The following PEPD variants were observed in gnomAD, a reference collection of about 807,000 sequenced individuals.
PEPD encodes the protein peptidase D.
Under a neutral mutation model 60.7 loss-of-function variants are expected in PEPD, and 53 were observed. The ratio of observed to expected loss-of-function variants is 0.87; its 90% confidence interval spans 0.70 to 1.10. The LOEUF is 1.10. Ranked by LOEUF, PEPD falls within the 50% of genes least tolerant of loss-of-function variation. The pLI is 0.00. For synonymous variants in PEPD, 267 were observed against 284.1 expected, an observed-to-expected ratio of 0.94 and a Z score of 0.60; for missense variants, 711 against 711.9, an observed-to-expected ratio of 1.00 and a Z score of 0.01.
intron 12 of PEPD, among the ~76,000 whole-genome samples, chr19:33,400,917 G>C (rs1968472740): frequency 6.6e-6 from 1 of 152,236 alleles, no homozygotes; most frequent in Non-Finnish European, 1.5e-5. Context: ...TGGCTGAGCG[G>C]GATGGGGACA....
intron 4 of PEPD, among the ~76,000 whole-genome samples, chr19:33,494,957 A>G (rs1970571618): frequency 1.3e-5 from 2 of 151,670 alleles, no homozygotes; most frequent in African/African-American, 4.8e-5. Flanking sequence ...AAACAGTGAA[A>G]CCCCATCTCT....
At chr19:33,411,958 C>T (rs754985) in intron 10 of PEPD, among the ~76,000 whole-genome samples, 10,139 of 152,294 alleles carry the variant, frequency 0.067, 1,176 homozygotes, top group African/African-American at 0.23. Context: ...TGGCAACCAG[C>T]CTCAGTCTGC....
chr19:33,500,816 G>C, intron 4 of PEPD, 122 bp downstream of exon 4: 1 of 764,190 alleles, frequency 1.3e-6, no homozygotes, highest in African/African-American at 1.7e-5. Flanking sequence ...CGCAGGGACT[G>C]GTGGCCAGGT....
chr19:33,442,229 T>C (rs1002836663), intron 9 of PEPD, among the ~76,000 whole-genome samples: 1 of 152,072 alleles, frequency 6.6e-6, no homozygotes, highest in African/African-American at 2.4e-5. Context: ...TGAAACCCCA[T>C]CTCTACTAAA....
intron 12 of PEPD, among the ~76,000 whole-genome samples, chr19:33,393,418 CT>C (rs1968278957): frequency 6.6e-6 from 1 of 151,482 alleles, no homozygotes; most frequent in South Asian, 2.1e-4. Context: ...GCACCCCTGG[CT>C]TTTCTGAGGG....
chr19:33,422,445 T>G (rs1969039270), intron 9 of PEPD, among the ~76,000 whole-genome samples: 1 of 146,044 alleles, frequency 6.8e-6, no homozygotes, highest in Admixed American at 6.7e-5. Context: ...CTACCTATAA[T>G]CTATCTACCC....
chr19:33,486,464 C>T (rs11672472), intron 6 of PEPD, among the ~76,000 whole-genome samples: 11,381 of 152,124 alleles, frequency 0.075, 521 homozygotes, highest in Non-Finnish European at 0.11. Context: ...ACACCCTTCA[C>T]GCTACTGTCA....
At chr19:33,409,200 C>A (rs772096234) in intron 11 of PEPD, among the ~76,000 whole-genome samples, 5 of 152,220 alleles carry the variant, frequency 3.3e-5, no homozygotes, top group African/African-American at 7.2e-5. Flanking sequence ...GTGTGCTGAG[C>A]CCACAGAGGA....
At chr19:33,445,560 GCAAGCC>G (rs1301949724) in intron 9 of PEPD, among the ~76,000 whole-genome samples, 1 of 152,188 alleles carries the variant, frequency 6.6e-6, no homozygotes, top group Non-Finnish European at 1.5e-5. Context: ...CAAGAAGGCG[GCAAGCC>G]CAGGAGAGAG....
chr19:33,419,097 T>C (rs944869358), intron 9 of PEPD, among the ~76,000 whole-genome samples: 6 of 152,178 alleles, frequency 3.9e-5, no homozygotes, highest in Non-Finnish European at 8.8e-5. Context: ...AGAGACTGTT[T>C]GACCTGGGGC....
intron 9 of PEPD, among the ~76,000 whole-genome samples, chr19:33,434,900 G>A (rs1250532076): frequency 6.8e-6 from 1 of 148,056 alleles, no homozygotes; most frequent in Non-Finnish European, 1.5e-5. Flanking sequence ...GGGCACTCAG[G>A]TGTTAAGGTT....
At chr19:33,496,662 G>A (rs952278109) in intron 4 of PEPD, among the ~76,000 whole-genome samples, 5 of 150,920 alleles carry the variant, frequency 3.3e-5, no homozygotes, top group Non-Finnish European at 2.9e-5. Flanking sequence ...CGGAGTGGTG[G>A]CCACTGGGGA....
At position 33,391,361 on chromosome 19, in the gene PEPD, C is replaced by T. The variant is rs1968214982; in HGVS notation, c.1086G>A (p.Val362=). The part of the protein sequence containing the change: ...DAMVQAHLGA[V]FMPHGLGHFL... ...AGTGGCCAAGCCCGTGAGGCATAAA[C>T]ACGGCCCCCAGGTGAGCCTGGACCA... The change falls in exon 13 of 15, where the codon GTG becomes GTA. Residue 362 remains valine (V), a synonymous_variant. Transcript: ENST00000244137. 1 of 1,609,862 alleles carries T rather than the reference C, an allele frequency of 6.2e-7. No individual in the cohort carries two copies. Among genetic ancestry groups the T allele is most frequent in the South Asian group, 1.1e-5 (1 of 90,376 alleles).
At chr19:33,502,364 C>T (rs979314782) in intron 3 of PEPD, among the ~76,000 whole-genome samples, 1 of 152,224 alleles carries the variant, frequency 6.6e-6, no homozygotes, top group Admixed American at 6.5e-5. Flanking sequence ...GATGGTGTTT[C>T]CTGGGCTGTC....
chr19:33,419,652 G>A (rs934022593), intron 9 of PEPD, among the ~76,000 whole-genome samples: 1 of 152,244 alleles, frequency 6.6e-6, no homozygotes, highest in African/African-American at 2.4e-5. Flanking sequence ...GGCTTGCTGT[G>A]AAGGCTGAAG....
At chr19:33,516,547 G>GT (rs991647797) in intron 1 of PEPD, among the ~76,000 whole-genome samples, 3 of 151,932 alleles carry the variant, frequency 2.0e-5, no homozygotes, top group African/African-American at 7.3e-5. Flanking sequence ...CTCAAGGAGG[G>GT]TATGATGCCA....
intron 9 of PEPD, among the ~76,000 whole-genome samples, chr19:33,422,023 G>C (rs538031019): frequency 6.6e-6 from 1 of 152,078 alleles, no homozygotes; most frequent in Non-Finnish European, 1.5e-5. Flanking sequence ...TAGAATCACA[G>C]GACTCCTCTG....
At chr19:33,446,326 AG>A (rs1194659629) in intron 9 of PEPD, among the ~76,000 whole-genome samples, 1 of 152,262 alleles carries the variant, frequency 6.6e-6, no homozygotes, top group Admixed American at 6.5e-5. Context: ...CAAAGACTCC[AG>A]CTCATGCTGA....
intron 9 of PEPD, among the ~76,000 whole-genome samples, chr19:33,433,474 C>A (rs769556308): frequency 5.9e-5 from 9 of 152,228 alleles, no homozygotes; most frequent in Non-Finnish European, 1.3e-4. Context: ...ATTAATTTTA[C>A]ATCCCCTTTT....
Sources: gnomAD v4.1 joint callset for allele counts (sites outside exome capture counted in the v4.1 genomes callset) on GRCh38, gnomAD v4.1.1 for gene constraint, MANE v1.5 for transcripts, NCBI Gene and HGNC (gene_info 2026-07-23, HGNC 2026-07-21) for gene names.